PPFIA1: variants seen among roughly 807,000 people sequenced by gnomAD.
PPFIA1 encodes liprin-alpha-1.
A neutral mutation model predicts 149.9 loss-of-function variants in PPFIA1; 25 were observed. That is an observed-to-expected ratio of 0.17 (90% CI 0.12 to 0.23). The LOEUF is 0.23. Ranked by LOEUF, PPFIA1 falls within the 10% of genes least tolerant of loss-of-function variation. The pLI, the probability that PPFIA1 is intolerant of heterozygous loss-of-function variation, is 1.00. For synonymous variants in PPFIA1, 549 were observed against 552.8 expected, an observed-to-expected ratio of 0.99 and a Z score of 0.10; for missense variants, 1,362 against 1,506.5, an observed-to-expected ratio of 0.90 and a Z score of 1.59.
intron 16 of PPFIA1, chr11:70,351,105 C>A: frequency 1.3e-6 from 1 of 746,170 alleles, no homozygotes; most frequent in Non-Finnish European, 1.8e-6. Context: ...ATAAATGTAG[C>A]ATTATGTAGT....
intron 26 of PPFIA1, chr11:70,378,679 C>T (rs113364105): frequency 1.8e-5 from 3 of 163,628 alleles, no homozygotes; most frequent in South Asian, 2.0e-4. Context: ...GCTGCTGTTC[C>T]GTGCAGTCAC....
chr11:70,277,430 C>T (rs1306817110), intron 2 of PPFIA1, among the ~76,000 whole-genome samples: 2 of 149,834 alleles, frequency 1.3e-5, no homozygotes, highest in African/African-American at 4.9e-5. Flanking sequence ...ATTTTTGTTG[C>T]TCTTCATTCT....
Position 70,359,415 on chromosome 11 carries a change from A to G in PPFIA1, c.2583-2680A>G, listed in dbSNP as rs115058507. Among the ~76,000 whole-genome samples, 921 of 152,292 alleles carry G rather than the reference A, an allele frequency of 6.0e-3. 10 individuals are homozygous for G. The highest frequency in any genetic ancestry group is 0.02 in the African/African-American group (829 of 41,566). On this transcript the variant is annotated intron_variant, in intron 19 of 27. Coordinates refer to ENST00000253925, the MANE Select transcript of PPFIA1 (RefSeq NM_003626.5). Reference sequence around the variant, plus strand: ...AGGACTCTGCCAGTGTGCCATGGCAATGGAGCATGGGAGGGGCTATGCCTG... The same window carrying G: ...AGGACTCTGCCAGTGTGCCATGGCAGTGGAGCATGGGAGGGGCTATGCCTG...
chr11:70,358,222 T>TATTG (rs1199002092), intron 19 of PPFIA1: 3 of 152,144 alleles, frequency 2.0e-5, no homozygotes, highest in South Asian at 4.1e-4. Context: ...GTGCTTTATT[T>TATTG]ATTGATTGAT....
At chr11:70,331,429 T>C (rs946412279) in intron 8 of PPFIA1, among the ~76,000 whole-genome samples, 1 of 151,584 alleles carries the variant, frequency 6.6e-6, no homozygotes, top group African/African-American at 2.4e-5. Flanking sequence ...TGACAAGAGG[T>C]GTTTTGCACA....
intron 2 of PPFIA1, among the ~76,000 whole-genome samples, chr11:70,304,745 C>A (rs554398181): frequency 6.6e-6 from 1 of 152,158 alleles, no homozygotes; most frequent in African/African-American, 2.4e-5. Flanking sequence ...CACACAGCTG[C>A]AGAACTGCAT....
chr11:70,301,269 G>A (rs563710239), intron 2 of PPFIA1, among the ~76,000 whole-genome samples: 1 of 152,204 alleles, frequency 6.6e-6, no homozygotes, highest in Non-Finnish European at 1.5e-5. Context: ...TTCATTTGAT[G>A]TGAGGCATGT....
At chr11:70,333,757 T>G (rs539369200) in intron 10 of PPFIA1, among the ~76,000 whole-genome samples, 3 of 152,316 alleles carry the variant, frequency 2.0e-5, no homozygotes, top group African/African-American at 7.2e-5. Context: ...TCAGTCAGTA[T>G]TGGGAGCTGC....
intron 16 of PPFIA1, among the ~76,000 whole-genome samples, chr11:70,353,956 G>T (rs1031750176): frequency 4.6e-5 from 7 of 152,328 alleles, no homozygotes; most frequent in Middle Eastern, 3.4e-3. Flanking sequence ...TGGTTTATCG[G>T]TGTTGTTCAG....
intron 25 of PPFIA1, among the ~76,000 whole-genome samples, chr11:70,376,840 G>T (rs2057511513): frequency 6.6e-6 from 1 of 152,186 alleles, no homozygotes; most frequent in African/African-American, 2.4e-5. Context: ...CGGAGGCTGA[G>T]GCGGGCGGAT....
chr11:70,279,921 A>T, intron 2 of PPFIA1, among the ~76,000 whole-genome samples: 1 of 101,340 alleles, frequency 9.9e-6, no homozygotes, highest in Non-Finnish European at 1.8e-5. Context: ...GTGTGTGTAT[A>T]TTTTTGGGAC....
chr11:70,315,679 T>G (rs899705808), intron 2 of PPFIA1, among the ~76,000 whole-genome samples: 5 of 39,272 alleles, frequency 1.3e-4, no homozygotes, highest in Non-Finnish European at 8.7e-5. Context: ...TTTTTTTCTG[T>G]TTTTTTTTTT....
chr11:70,379,929 G>A (rs1320789988), intron 26 of PPFIA1, among the ~76,000 whole-genome samples: 1 of 152,164 alleles, frequency 6.6e-6, no homozygotes, highest in African/African-American at 2.4e-5. Flanking sequence ...TCTTCCAAGA[G>A]TCATGCATAT....
intron 15 of PPFIA1, among the ~76,000 whole-genome samples, chr11:70,345,686 G>T (rs1342983879): frequency 1.3e-5 from 2 of 152,122 alleles, no homozygotes; most frequent in Non-Finnish European, 2.9e-5. Context: ...AATGAGCCAG[G>T]TATGGTAGTG....
At chr11:70,376,463 A>C in intron 24 of PPFIA1, 69 bp from the exon 25 acceptor site, 1 of 1,470,628 alleles carries the variant, frequency 6.8e-7, no homozygotes, top group Non-Finnish European at 9.5e-7. Context: ...TTAAAAAACA[A>C]TTACGATGCT....
intron 2 of PPFIA1, among the ~76,000 whole-genome samples, chr11:70,289,034 C>G (rs1409483168): frequency 6.7e-6 from 1 of 148,546 alleles, no homozygotes; most frequent in Non-Finnish European, 1.5e-5. Context: ...ATGGCGCCAT[C>G]TCAGCTCACT....
At chr11:70,276,368 A>G (rs1399072847) in intron 2 of PPFIA1, among the ~76,000 whole-genome samples, 1 of 151,950 alleles carries the variant, frequency 6.6e-6, no homozygotes, top group African/African-American at 2.4e-5. Flanking sequence ...AAAATTTACA[A>G]TTGTAGAATA....
At chr11:70,382,928 C>T (rs2057763394) in intron 27 of PPFIA1, 75 bp from the exon 28 acceptor site, 1 of 354,968 alleles carries the variant, frequency 2.8e-6, no homozygotes, top group Admixed American at 5.4e-5. Context: ...GTTTGGGCCC[C>T]AGCATCAGAA....
intron 2 of PPFIA1, among the ~76,000 whole-genome samples, chr11:70,301,211 G>C (rs1293893864): frequency 6.6e-6 from 1 of 152,188 alleles, no homozygotes; most frequent in Non-Finnish European, 1.5e-5. Flanking sequence ...TAGACTTGAT[G>C]AGAACTAACA....
Sources: allele counts gnomAD v4.1 joint callset (sites outside exome capture counted in the v4.1 genomes callset), GRCh38; gene constraint gnomAD v4.1.1; transcripts MANE v1.5; gene names NCBI Gene and HGNC (gene_info 2026-07-23, HGNC 2026-07-21).